The following ELMOD1 variants were observed in gnomAD, a reference collection of about 807,000 sequenced individuals.
ELMOD1 encodes the protein ELMO domain-containing protein 1.
Under a neutral mutation model 46.7 loss-of-function variants are expected in ELMOD1, and 21 were observed. The observed-to-expected ratio is 0.45, with a 90% CI of 0.32 to 0.65. The LOEUF is 0.65. ELMOD1 is among the 30% of genes least tolerant of loss of function. The probability of loss-of-function intolerance (pLI) is 0.04; values close to 1 mark genes in which losing one functional copy is unlikely to be tolerated. For missense variants in ELMOD1, 348 were observed against 407.8 expected (o/e 0.85, Z 1.26); for synonymous variants, 122 against 138.2 (o/e 0.88, Z 0.82).
At chr11:107,605,130 G>A (rs1290973147) in intron 1 of ELMOD1, among the ~76,000 whole-genome samples, 1 of 150,800 alleles carries the variant, frequency 6.6e-6, no homozygotes, top group Non-Finnish European at 1.5e-5. Context: ...GGGCAAAACA[G>A]ATAAATATAT....
intron 8 of ELMOD1, 66 bp downstream of exon 8, chr11:107,650,469 C>T (rs902965135): frequency 1.8e-6 from 2 of 1,106,314 alleles, no homozygotes; most frequent in Admixed American, 4.0e-5. Flanking sequence ...TCATCTCCTA[C>T]ATGTATCTGT....
intron 2 of ELMOD1, among the ~76,000 whole-genome samples, chr11:107,624,887 A>G (rs915771232): frequency 1.3e-5 from 2 of 152,194 alleles, no homozygotes; most frequent in Admixed American, 6.5e-5. Context: ...ACATTGATCT[A>G]TGATAGATAT....
chr11:107,615,229 CTTTTTTTTTTTT>C (rs34461488), intron 1 of ELMOD1, among the ~76,000 whole-genome samples: 4 of 81,132 alleles, frequency 4.9e-5, no homozygotes, highest in Admixed American at 2.0e-4. Context: ...TTGTCAGCAT[CTTTTTTTTTTTT>C]TTTTTTTTTT....
intron 1 of ELMOD1, among the ~76,000 whole-genome samples, chr11:107,611,514 C>G (rs888466301): frequency 3.3e-5 from 5 of 152,050 alleles, no homozygotes; most frequent in Middle Eastern, 3.4e-3. Flanking sequence ...TCCTGGCTAA[C>G]ACGGTGAAAC....
At chr11:107,649,253 A>T (rs1014667748) in intron 7 of ELMOD1, among the ~76,000 whole-genome samples, 1 of 152,192 alleles carries the variant, frequency 6.6e-6, no homozygotes, top group Non-Finnish European at 1.5e-5. Context: ...GAAAGTCCAA[A>T]ACAAGTCTTT....
intron 11 of ELMOD1, among the ~76,000 whole-genome samples, chr11:107,661,912 G>A (rs981876116): frequency 6.6e-6 from 1 of 152,164 alleles, no homozygotes; most frequent in Admixed American, 6.5e-5. Context: ...TGAGATCAGA[G>A]GAAACAAGTT....
At position 107,666,001 on chromosome 11, in the gene ELMOD1, A is replaced by C. The variant is rs1866838632; in HGVS notation, c.*804A>C. 6.6e-6 allele frequency: 1 copy of C among 151,886 alleles called. No individual in the cohort carries two copies. Among genetic ancestry groups the C allele is most frequent in the Non-Finnish European group, 1.5e-5 (1 of 68,448 alleles). 9.4% of individuals were successfully genotyped at this position (151,886 alleles called of 1,614,324 possible). A position where few individuals can be genotyped will look rare whatever the true frequency, so the allele number is the denominator to read the frequency against. On this transcript the variant is annotated 3_prime_UTR_variant, in exon 12 of 12. Transcript: ENST00000265840. ...AATAAATAAATAAATAAATAAATAA[A>C]TAAATAAATAAATAAAATAGTACAG...
chr11:107,650,746 A>G (rs1466226433), intron 8 of ELMOD1, 139 bp from the exon 9 acceptor site: 17 of 633,490 alleles, frequency 2.7e-5, no homozygotes, highest in Non-Finnish European at 4.4e-5. Context: ...GGAAGAATGG[A>G]AGTTAAGAAG....
intron 6 of ELMOD1, chr11:107,643,147 G>A (rs1866355739): frequency 1.1e-5 from 2 of 181,164 alleles, no homozygotes; most frequent in South Asian, 2.3e-4. Context: ...TTCGAGACCA[G>A]CCTGGCCAAC....
chr11:107,597,615 A>G (rs1865515586), intron 1 of ELMOD1, among the ~76,000 whole-genome samples: 1 of 152,190 alleles, frequency 6.6e-6, no homozygotes, highest in East Asian at 1.9e-4. Flanking sequence ...CCAGGCACTT[A>G]TCCACGAATC....
At chr11:107,626,176 C>A (rs1427400324) in intron 2 of ELMOD1, among the ~76,000 whole-genome samples, 1 of 151,648 alleles carries the variant, frequency 6.6e-6, no homozygotes, top group Non-Finnish European at 1.5e-5. Context: ...CGAATATTGC[C>A]CAATTAAAAC....
intron 11 of ELMOD1, among the ~76,000 whole-genome samples, chr11:107,664,484 TTA>T (rs1424747974): frequency 1.3e-5 from 2 of 152,244 alleles, no homozygotes; most frequent in Admixed American, 1.3e-4. Flanking sequence ...CAAGGAAGTC[TTA>T]TTAACAATTT....
intron 6 of ELMOD1, among the ~76,000 whole-genome samples, chr11:107,644,329 A>G (rs890195355): frequency 1.3e-5 from 2 of 151,996 alleles, no homozygotes; most frequent in South Asian, 2.1e-4. Context: ...TTATTATTCA[A>G]ATGTTTTACT....
intron 1 of ELMOD1, among the ~76,000 whole-genome samples, chr11:107,595,843 G>A (rs1865483436): frequency 6.6e-6 from 1 of 152,054 alleles, no homozygotes; most frequent in Non-Finnish European, 1.5e-5. Context: ...ACTCTTAAGT[G>A]TTTCTATGGT....
intron 11 of ELMOD1, among the ~76,000 whole-genome samples, chr11:107,663,367 A>G (rs1866778004): frequency 6.6e-6 from 1 of 152,220 alleles, no homozygotes; most frequent in South Asian, 2.1e-4. Context: ...GGCATAAGCC[A>G]GGCACAGTGG....
intron 11 of ELMOD1, among the ~76,000 whole-genome samples, chr11:107,663,756 T>C (rs1032996616): frequency 2.0e-5 from 3 of 152,216 alleles, no homozygotes; most frequent in Non-Finnish European, 4.4e-5. Context: ...TTTCCATACA[T>C]AGCTAGTTAC....
Position 107,593,690 on chromosome 11 carries a change from G to GTTA in ELMOD1, c.-86+2281_-86+2282insTTA, listed in dbSNP as rs1292091915. Among the ~76,000 whole-genome samples, 32 of 152,274 alleles carry GTTA rather than the reference G, an allele frequency of 2.1e-4. No individual in the cohort carries two copies. In the East Asian group the frequency reaches 5.0e-3, roughly 24 times the overall value. Reference sequence around the variant, plus strand: ...GCTGCCCAGTTAAATTTGAATTTCAGATAAACAGTGAATTATTGTTTTTAC... The same window carrying GTTA: ...GCTGCCCAGTTAAATTTGAATTTCAGTTAATAAACAGTGAATTATTGTTTTTAC... On this transcript the variant is annotated intron_variant, in intron 1 of 11. Coordinates refer to ENST00000265840, the MANE Select transcript of ELMOD1 (RefSeq NM_018712.4).
chr11:107,665,184 T>A lies in ELMOD1; in HGVS notation c.992T>A (p.Leu331Ter). Reference sequence around the variant, plus strand: ...CCACATTTTGCTGCCTCGGAAGGTTTAATCAACATGTAGTTGCCCACGCCG... The same window carrying A: ...CCACATTTTGCTGCCTCGGAAGGTTAAATCAACATGTAGTTGCCCACGCCG... ...LCPHFAASEG[L>*]INM Residue 331 changes from leucine to a stop codon, truncating the protein, a stop_gained, in exon 12 of 12, where the codon TTA becomes TAA. Coordinates refer to ENST00000265840, the MANE Select transcript of ELMOD1 (RefSeq NM_018712.4). LOFTEE classifies it high-confidence loss of function. 6.2e-7 allele frequency: 1 copy of A among 1,613,918 alleles called. No individual in the cohort carries two copies. Among genetic ancestry groups the A allele is most frequent in the Non-Finnish European group, 8.5e-7 (1 of 1,179,866 alleles).
chr11:107,606,708 G>A (rs189672662), intron 1 of ELMOD1, among the ~76,000 whole-genome samples: 11 of 152,130 alleles, frequency 7.2e-5, no homozygotes, highest in Non-Finnish European at 5.9e-5. Flanking sequence ...GGTGGCGTGC[G>A]CCTGTAATCC....
Sources: allele counts gnomAD v4.1 joint callset (sites outside exome capture counted in the v4.1 genomes callset), GRCh38; gene constraint gnomAD v4.1.1; transcripts MANE v1.5; gene names NCBI Gene and HGNC (gene_info 2026-07-23, HGNC 2026-07-21).